Variants in MYBPC1 observed in about 807,000 individuals in gnomAD.
MYBPC1 encodes myosin-binding protein C, slow-type.
A neutral mutation model predicts 147.1 loss-of-function variants in MYBPC1; 52 were observed. The ratio of observed to expected loss-of-function variants is 0.35; its 90% CI spans 0.28 to 0.45. The LOEUF is 0.45. Ranked by LOEUF, MYBPC1 falls within the 20% of genes least tolerant of loss-of-function variation. MYBPC1 has a pLI of 1.00. For missense variants in MYBPC1, 1,228 were observed against 1,440.3 expected (o/e 0.85, Z 2.39); for synonymous variants, 477 against 475.9 (o/e 1.00, Z -0.03).
chr12:101,649,701 T>G (rs1894001056), intron 15 of MYBPC1, among the ~76,000 whole-genome samples: 1 of 152,186 alleles, frequency 6.6e-6, no homozygotes, highest in South Asian at 2.1e-4. Context: ...AAATAGGGGA[T>G]AAATACTTAG....
At chr12:101,682,683 A>C in intron 30 of MYBPC1, 21 bp downstream of exon 30, 1 of 1,593,086 alleles carries the variant, frequency 6.3e-7, no homozygotes, top group Non-Finnish European at 8.6e-7. Context: ...TTTATATCCC[A>C]CTGGATATTC....
chr12:101,664,843 G>A (rs1897166152), intron 22 of MYBPC1, among the ~76,000 whole-genome samples: 1 of 152,188 alleles, frequency 6.6e-6, no homozygotes, highest in South Asian at 2.1e-4. Context: ...AGGGGATAGT[G>A]TCACTAATGC....
intron 19 of MYBPC1, among the ~76,000 whole-genome samples, chr12:101,660,669 G>A (rs558651546): frequency 1.3e-5 from 2 of 152,178 alleles, no homozygotes; most frequent in East Asian, 1.9e-4. Flanking sequence ...CTGTTTTCAC[G>A]TTGCTGATAA....
At chr12:101,672,033 G>A (rs754852270) in intron 24 of MYBPC1, among the ~76,000 whole-genome samples, 3 of 152,196 alleles carry the variant, frequency 2.0e-5, no homozygotes, top group Non-Finnish European at 4.4e-5. Context: ...GTCAATGGTA[G>A]GGCCAAGAAC....
At chr12:101,596,181 A>C in intron 1 of MYBPC1, among the ~76,000 whole-genome samples, 1 of 152,220 alleles carries the variant, frequency 6.6e-6, no homozygotes, top group East Asian at 1.9e-4. Flanking sequence ...AATTATCAAA[A>C]GTCTTTTAAA....
rs764636194 is a variant in MYBPC1, at chr12:101,682,616, G to T, written c.3446G>T (p.Gly1149Val). 5.6e-6 allele frequency: 9 copies of T among 1,612,874 alleles called. No homozygotes were observed. Among genetic ancestry groups the T allele is most frequent in the Non-Finnish European group, 7.6e-6 (9 of 1,178,958 alleles). The part of the protein sequence containing the change: ...CKLEVKVIYQ[G>V]VNTPGQPVFL... ...TCTGATTCTGCAGTGATATATCAAG[G>T]AGTAAATACCCCTGGACAACCAGTC... Residue 1149 changes from glycine to valine, a missense_variant, in exon 30 of 32, where the codon GGA becomes GTA. This residue lies in a region of MYBPC1 where 1,077 missense variants were observed against 1,314.2 expected (regional missense o/e 0.82). Coordinates refer to ENST00000361466, the MANE Select transcript of MYBPC1 (RefSeq NM_002465.4).
chr12:101,631,302 A>C (rs916031643), intron 6 of MYBPC1, among the ~76,000 whole-genome samples: 1 of 152,196 alleles, frequency 6.6e-6, no homozygotes, highest in African/African-American at 2.4e-5. Flanking sequence ...AAAATTACCC[A>C]AATGTAAAAT....
At chr12:101,598,840 C>T (rs147855506) in intron 1 of MYBPC1, among the ~76,000 whole-genome samples, 1,912 of 152,276 alleles carry the variant, frequency 0.013, 29 homozygotes, top group Non-Finnish European at 0.021. Flanking sequence ...TCTCTGTCTT[C>T]TAAAGTGCTG....
At chr12:101,666,063 A>G (rs1375914387) in intron 22 of MYBPC1, 1 of 154,972 alleles carries the variant, frequency 6.5e-6, no homozygotes, top group Admixed American at 6.3e-5. Context: ...TCATCATCCC[A>G]AACCAGTGGG....
intron 23 of MYBPC1, 43 bp from the exon 24 acceptor site, chr12:101,670,278 C>T: frequency 6.5e-7 from 1 of 1,528,602 alleles, no homozygotes; most frequent in Non-Finnish European, 9.1e-7. Context: ...TATTTTCAGA[C>T]ACCAGACTGA....
intron 18 of MYBPC1, among the ~76,000 whole-genome samples, chr12:101,656,041 G>C (rs1210286843): frequency 6.6e-6 from 1 of 152,152 alleles, no homozygotes; most frequent in East Asian, 1.9e-4. Context: ...CAAAAAATGG[G>C]AGAAAGGAAT....
chr12:101,686,642 C>G (rs1252591011), downstream of MYBPC1, among the ~76,000 whole-genome samples: 1 of 152,164 alleles, frequency 6.6e-6, no homozygotes, highest in African/African-American at 2.4e-5. Context: ...CCTCGCCTCC[C>G]CTCTGTTTTT....
downstream of MYBPC1, among the ~76,000 whole-genome samples, chr12:101,690,557 A>C (rs1452069244): frequency 6.6e-6 from 1 of 152,220 alleles, no homozygotes; most frequent in African/African-American, 2.4e-5. Flanking sequence ...ATACCATAGA[A>C]AGCATTTTAG....
chr12:101,646,060 C>G, intron 12 of MYBPC1, among the ~76,000 whole-genome samples: 1 of 152,130 alleles, frequency 6.6e-6, no homozygotes. Flanking sequence ...AAGATCAAGT[C>G]TCTACCCACC....
chr12:101,614,820 G>T, intron 2 of MYBPC1: 1 of 471,308 alleles, frequency 2.1e-6, no homozygotes, highest in African/African-American at 2.0e-5. Flanking sequence ...ATTTTACAGT[G>T]TGGAGGCTGA....
chr12:101,692,355 C>G, the MYBPC1 span, among the ~76,000 whole-genome samples: 1 of 152,100 alleles, frequency 6.6e-6, no homozygotes, highest in Non-Finnish European at 1.5e-5. Context: ...CTGGACTGTT[C>G]CATATTGACA....
intron 20 of MYBPC1, 55 bp from the exon 21 acceptor site, chr12:101,662,303 T>C: frequency 1.3e-6 from 2 of 1,577,840 alleles, no homozygotes; most frequent in African/African-American, 1.4e-5. Context: ...TATCTGACAA[T>C]GTTTAATTTC....
chr12:101,646,683 TA>T, intron 12 of MYBPC1, 79 bp from the exon 13 acceptor site: 1 of 1,525,950 alleles, frequency 6.6e-7, no homozygotes, highest in Non-Finnish European at 9.0e-7. Flanking sequence ...TACCAAATTA[TA>T]AGCCAAATTT....
At chr12:101,667,633 T>A (rs1034373350) in intron 22 of MYBPC1, 99 bp from the exon 23 acceptor site, 2 of 1,345,006 alleles carry the variant, frequency 1.5e-6, no homozygotes, top group Non-Finnish European at 2.1e-6. Context: ...TGTATTATTA[T>A]GAGTAAAATA....
Sources: gnomAD v4.1 joint callset for allele counts (sites outside exome capture counted in the v4.1 genomes callset) on GRCh38, gnomAD v4.1.1 for gene constraint, gnomAD v4.1.1 regional missense constraint, MANE v1.5 for transcripts, NCBI Gene and HGNC (gene_info 2026-07-23, HGNC 2026-07-21) for gene names.